Variants in SPTLC3 observed in about 807,000 individuals in gnomAD.
The protein encoded by SPTLC3 is serine palmitoyltransferase 3.
A neutral mutation model predicts 59.3 loss-of-function variants in SPTLC3; 36 were observed. That is an observed-to-expected ratio of 0.61 (90% CI 0.47 to 0.80). The LOEUF is 0.80. SPTLC3 is among the 30% of genes least tolerant of loss of function. SPTLC3 has a pLI of 0.00. For missense variants in SPTLC3, 625 were observed against 685.1 expected (o/e 0.91, Z 0.98); for synonymous variants, 257 against 240.8 (o/e 1.07, Z -0.62).
intron 1 of SPTLC3, among the ~76,000 whole-genome samples, chr20:13,024,279 C>T (rs922714027): frequency 1.3e-5 from 2 of 152,170 alleles, no homozygotes; most frequent in Non-Finnish European, 2.9e-5. Context: ...CTTTCCTCCA[C>T]CATTTTATTG....
At chr20:13,055,075 A>C (rs2122516338) in intron 2 of SPTLC3, among the ~76,000 whole-genome samples, 1 of 152,156 alleles carries the variant, frequency 6.6e-6, no homozygotes, top group South Asian at 2.1e-4. Context: ...GGTATCAATA[A>C]GTCTTGGTGG....
At chr20:13,011,146 A>T (rs924652503) in intron 1 of SPTLC3, among the ~76,000 whole-genome samples, 1 of 152,196 alleles carries the variant, frequency 6.6e-6, no homozygotes, top group African/African-American at 2.4e-5. Context: ...AACGAACAAA[A>T]AAAACCCGGC....
chr20:13,110,434 G>C (rs944222762), intron 7 of SPTLC3, among the ~76,000 whole-genome samples: 12 of 152,202 alleles, frequency 7.9e-5, no homozygotes, highest in Non-Finnish European at 1.5e-5. Flanking sequence ...AGGCTGGCCG[G>C]CTTGTGAAGG....
At chr20:13,162,585 C>T (rs1007536213) in intron 11 of SPTLC3, among the ~76,000 whole-genome samples, 1 of 152,160 alleles carries the variant, frequency 6.6e-6, no homozygotes, top group African/African-American at 2.4e-5. Flanking sequence ...TAATATTAGA[C>T]AAATGCACTC....
At chr20:13,060,476 G>A (rs890505495) in intron 2 of SPTLC3, among the ~76,000 whole-genome samples, 6 of 151,312 alleles carry the variant, frequency 4.0e-5, no homozygotes, top group Non-Finnish European at 7.4e-5. Flanking sequence ...TGAATTTAAG[G>A]GGTAAGAATG....
intron 6 of SPTLC3, among the ~76,000 whole-genome samples, chr20:13,103,870 G>GT (rs1411220075): frequency 2.0e-5 from 3 of 152,216 alleles, no homozygotes; most frequent in Admixed American, 6.5e-5. Flanking sequence ...AAATGTCTGG[G>GT]TTTTTTCTTC....
chr20:13,127,621 T>C (rs1263790613), intron 9 of SPTLC3, among the ~76,000 whole-genome samples: 1 of 152,210 alleles, frequency 6.6e-6, no homozygotes, highest in African/African-American at 2.4e-5. Context: ...ATAAAACAGA[T>C]AAGAACAAGG....
chr20:13,150,882 C>T (rs540383475), intron 9 of SPTLC3, among the ~76,000 whole-genome samples: 3 of 152,222 alleles, frequency 2.0e-5, no homozygotes, highest in East Asian at 1.9e-4. Context: ...GCTTATCCTT[C>T]GGATCTTTGT....
intron 8 of SPTLC3, among the ~76,000 whole-genome samples, chr20:13,118,565 T>C (rs1247123413): frequency 6.6e-6 from 1 of 152,128 alleles, no homozygotes; most frequent in Non-Finnish European, 1.5e-5. Context: ...AGGAGCCAGT[T>C]ATCTGAACAA....
intron 9 of SPTLC3, among the ~76,000 whole-genome samples, chr20:13,127,966 T>C (rs1283694229): frequency 6.6e-6 from 1 of 152,220 alleles, no homozygotes; most frequent in Admixed American, 6.5e-5. Context: ...CCTGTGATAC[T>C]ATTCACTCGT....
At chr20:13,018,677 T>C (rs1985689171) in intron 1 of SPTLC3, among the ~76,000 whole-genome samples, 1 of 152,230 alleles carries the variant, frequency 6.6e-6, no homozygotes, top group Non-Finnish European at 1.5e-5. Flanking sequence ...TAATTTTATC[T>C]ATTGGTTAAA....
At chr20:13,125,294 T>C (rs1315453288) in intron 8 of SPTLC3, among the ~76,000 whole-genome samples, 1 of 152,208 alleles carries the variant, frequency 6.6e-6, no homozygotes, top group Non-Finnish European at 1.5e-5. Context: ...AAAACCAGCA[T>C]TCTGGAGTGG....
At chr20:13,118,308 T>C (rs779429148) in intron 8 of SPTLC3, among the ~76,000 whole-genome samples, 1 of 152,112 alleles carries the variant, frequency 6.6e-6, no homozygotes, top group Non-Finnish European at 1.5e-5. Context: ...CTTTCCATAA[T>C]GTTGCATACA....
chr20:13,164,698 A>G, intron 11 of SPTLC3, 56 bp from the exon 12 acceptor site: 1 of 1,370,690 alleles, frequency 7.3e-7, no homozygotes, highest in Non-Finnish European at 1.0e-6. Flanking sequence ...TGGGCTCTGC[A>G]AAGCAGGGCT....
At position 13,089,205 on chromosome 20, in the gene SPTLC3, T is replaced by C. The variant is rs558478285; in HGVS notation, c.608-1878T>C. Among the ~76,000 whole-genome samples, 4 of 152,344 alleles carry C rather than the reference T, an allele frequency of 2.6e-5. No individual in the cohort carries two copies. The South Asian group carries it at 8.3e-4, about 32-fold the overall frequency. On this transcript the variant is annotated intron_variant, in intron 4 of 11. Coordinates refer to ENST00000399002, the MANE Select transcript of SPTLC3 (RefSeq NM_018327.4). ...CCTTAGGCAGAAGAAAGTATGTTTA[T>C]AGCGGCCCTAAACATGCTAACAATA...
At chr20:13,090,845 A>G (rs551884192) in intron 4 of SPTLC3, among the ~76,000 whole-genome samples, 62 of 152,286 alleles carry the variant, frequency 4.1e-4, no homozygotes, top group African/African-American at 1.5e-3. Flanking sequence ...GTGGAGCAGT[A>G]GTTCATTCTT....
chr20:13,098,715 G>A (rs1989504861), intron 6 of SPTLC3, among the ~76,000 whole-genome samples: 1 of 152,144 alleles, frequency 6.6e-6, no homozygotes, highest in African/African-American at 2.4e-5. Context: ...AGTCCTCTGT[G>A]CCAGATGCTG....
chr20:13,013,229 T>G (rs923431838), intron 1 of SPTLC3, among the ~76,000 whole-genome samples: 2 of 152,224 alleles, frequency 1.3e-5, no homozygotes, highest in Non-Finnish European at 2.9e-5. Flanking sequence ...TCTCCCCACC[T>G]TTCTATATCC....
intron 1 of SPTLC3, among the ~76,000 whole-genome samples, chr20:13,047,248 C>G (rs889372203): frequency 2.6e-5 from 4 of 152,102 alleles, no homozygotes; most frequent in Non-Finnish European, 5.9e-5. Context: ...TCCAAAAATT[C>G]TGCTTCTCAT....
Sources: allele counts gnomAD v4.1 joint callset (sites outside exome capture counted in the v4.1 genomes callset), GRCh38; gene constraint gnomAD v4.1.1; transcripts MANE v1.5; gene names NCBI Gene and HGNC (gene_info 2026-07-23, HGNC 2026-07-21).